Variants in RAB2B observed in about 807,000 individuals in gnomAD.
RAB2B encodes RAB2B, member RAS oncogene family, also known as ras-related protein Rab-2B.
Under a neutral mutation model 29.8 loss-of-function variants are expected in RAB2B, and 20 were observed. The ratio of observed to expected loss-of-function variants is 0.67; its 90% CI spans 0.47 to 0.97. The LOEUF is 0.97. Ranked by LOEUF, RAB2B falls within the 50% of genes least tolerant of loss-of-function variation. The pLI is 0.00. For synonymous variants in RAB2B, 93 were observed against 91.7 expected (o/e 1.01, Z -0.08); for missense variants, 218 against 272.0 (o/e 0.80, Z 1.40).
At chr14:21,467,407 G>C (rs1318145391) in intron 5 of RAB2B, among the ~76,000 whole-genome samples, 2 of 152,198 alleles carry the variant, frequency 1.3e-5, no homozygotes, top group African/African-American at 2.4e-5. Context: ...AATCCTTCCA[G>C]AGCTGGGATT....
chr14:21,460,451 G>A lies in RAB2B; in HGVS notation c.*745C>T, dbSNP rs1890517616. ...AATACAAAAATGAGCCAGGTGTGGTGGCACATGCCTGTAGTCCCAGCTACT... is the reference window on the plus strand; with the variant it reads ...AATACAAAAATGAGCCAGGTGTGGTAGCACATGCCTGTAGTCCCAGCTACT... On this transcript the variant is annotated 3_prime_UTR_variant, in exon 8 of 8. Transcript: ENST00000397762. The A allele has an allele frequency of 2.8e-6, 1 of 352,054 alleles. No homozygotes were observed. The highest frequency in any genetic ancestry group is 5.6e-6 in the Non-Finnish European group (1 of 177,704). The allele number at this position is 352,054 out of a possible 1,614,324, so 21.8% of individuals were successfully genotyped here. A position where few individuals can be genotyped will look rare whatever the true frequency, so the allele number is the denominator to read the frequency against.
At chr14:21,465,847 A>G (rs1890673148) in intron 5 of RAB2B, among the ~76,000 whole-genome samples, 1 of 152,094 alleles carries the variant, frequency 6.6e-6, no homozygotes, top group Non-Finnish European at 1.5e-5. Context: ...GTTTCTTTCA[A>G]TAAACGTGTC....
At chr14:21,465,544 C>A (rs973467443) in intron 5 of RAB2B, among the ~76,000 whole-genome samples, 7 of 152,174 alleles carry the variant, frequency 4.6e-5, no homozygotes, top group African/African-American at 1.7e-4. Context: ...AGCTACCATT[C>A]TTTCTCATGT....
intron 5 of RAB2B, among the ~76,000 whole-genome samples, chr14:21,465,994 C>T (rs930465514): frequency 1.3e-5 from 2 of 152,182 alleles, no homozygotes; most frequent in Admixed American, 6.6e-5. Flanking sequence ...AAAGTAGGTA[C>T]CCTGTTATTC....
At chr14:21,467,972 C>T (rs1329348064) in intron 5 of RAB2B, among the ~76,000 whole-genome samples, 2 of 151,950 alleles carry the variant, frequency 1.3e-5, no homozygotes, top group South Asian at 2.1e-4. Flanking sequence ...ACAAATATTA[C>T]ATGAGTCTAC....
chr14:21,469,991 G>A (rs568014299), intron 3 of RAB2B, among the ~76,000 whole-genome samples: 1 of 133,972 alleles, frequency 7.5e-6, no homozygotes, highest in African/African-American at 3.0e-5. Flanking sequence ...TCGCTCTGTT[G>A]CCCGGGCTGG....
chr14:21,470,700 C>T (rs1253889479), intron 3 of RAB2B, among the ~76,000 whole-genome samples: 1 of 152,108 alleles, frequency 6.6e-6, no homozygotes, highest in East Asian at 1.9e-4. Context: ...TTCTCCTCTT[C>T]TGCTATGGTT....
At chr14:21,468,539 A>C (rs1486641538) in intron 4 of RAB2B, 90 bp from the exon 5 acceptor site, 1 of 1,337,094 alleles carries the variant, frequency 7.5e-7, no homozygotes, top group Non-Finnish European at 1.1e-6. Context: ...GGGAAGCCAT[A>C]CGTGTAAAGA....
At chr14:21,465,181 C>G (rs1594409216) in intron 5 of RAB2B, among the ~76,000 whole-genome samples, 1 of 152,342 alleles carries the variant, frequency 6.6e-6, no homozygotes, top group African/African-American at 2.4e-5. Context: ...ATTATACCAT[C>G]AGCTGTGTGA....
In RAB2B at chr14:21,460,971, T is replaced by G. The variant is rs1890539846; in HGVS notation, c.*225A>C. ...CTTTGATCCTAACAATTTAAGAAAT[T>G]TGTATAGGAGGATAAGAAGAACCCT... On this transcript the variant is annotated 3_prime_UTR_variant, in exon 8 of 8. Coordinates refer to ENST00000397762, the MANE Select transcript of RAB2B (RefSeq NM_032846.4). 2.9e-6 allele frequency: 1 copy of G among 341,114 alleles called. No homozygotes were observed. Among genetic ancestry groups the G allele is most frequent in the Non-Finnish European group, 5.3e-6 (1 of 188,990 alleles). 21.1% of individuals were successfully genotyped at this position (341,114 alleles called of 1,614,324 possible).
intron 5 of RAB2B, among the ~76,000 whole-genome samples, chr14:21,464,458 G>A (rs1428860151): frequency 6.6e-6 from 1 of 152,082 alleles, no homozygotes; most frequent in Non-Finnish European, 1.5e-5. Context: ...GTCATAAGAT[G>A]TCCCATCCAG....
chr14:21,475,980 G>C (rs1371067933), intron 2 of RAB2B, among the ~76,000 whole-genome samples: 2 of 152,240 alleles, frequency 1.3e-5, no homozygotes, highest in Admixed American at 1.3e-4. Context: ...AGCCTCTTCA[G>C]GCCATGCCTT....
chr14:21,475,182 A>C (rs1173876902), intron 2 of RAB2B, among the ~76,000 whole-genome samples: 1 of 152,256 alleles, frequency 6.6e-6, no homozygotes, highest in Non-Finnish European at 1.5e-5. Context: ...ATATGGGAAA[A>C]TAAAACCAAT....
intron 5 of RAB2B, among the ~76,000 whole-genome samples, chr14:21,467,300 AG>A (rs1390840486): frequency 6.6e-6 from 1 of 152,034 alleles, no homozygotes; most frequent in Non-Finnish European, 1.5e-5. Context: ...TCGACCTCAC[AG>A]GCCCAAGTGA....
chr14:21,465,266 T>G (rs1461988398), intron 5 of RAB2B, among the ~76,000 whole-genome samples: 1 of 152,234 alleles, frequency 6.6e-6, no homozygotes, highest in African/African-American at 2.4e-5. Flanking sequence ...AGCACCAGAT[T>G]TGTACATTTG....
At chr14:21,464,482 C>A (rs571232331) in intron 5 of RAB2B, among the ~76,000 whole-genome samples, 14 of 152,246 alleles carry the variant, frequency 9.2e-5, no homozygotes, top group African/African-American at 3.4e-4. Flanking sequence ...TGATGAGCAT[C>A]TTCCTTTTTT....
intron 7 of RAB2B, among the ~76,000 whole-genome samples, 186 bp downstream of exon 7, chr14:21,462,164 A>C (rs1251107612): frequency 6.6e-6 from 1 of 152,022 alleles, no homozygotes; most frequent in Non-Finnish European, 1.5e-5. Context: ...GACTTGAGAA[A>C]AACAGAAAAT....
intron 5 of RAB2B, among the ~76,000 whole-genome samples, chr14:21,466,314 G>A (rs1256618713): frequency 2.6e-5 from 4 of 152,086 alleles, no homozygotes; most frequent in South Asian, 2.1e-4. Context: ...GAGAAACCCC[G>A]TCTATACTAA....
intron 3 of RAB2B, among the ~76,000 whole-genome samples, chr14:21,473,060 A>C (rs1351213276): frequency 6.6e-6 from 1 of 151,764 alleles, no homozygotes. Flanking sequence ...AGTGCAGGGG[A>C]TCAGGGGATA....
Sources: gnomAD v4.1 joint callset for allele counts (sites outside exome capture counted in the v4.1 genomes callset) on GRCh38, gnomAD v4.1.1 for gene constraint, MANE v1.5 for transcripts, NCBI Gene and HGNC (gene_info 2026-07-23, HGNC 2026-07-21) for gene names.